OIP5: variants seen among roughly 807,000 people sequenced by gnomAD.
OIP5 encodes protein Mis18-beta.
In OIP5, 24 loss-of-function variants were observed where a neutral mutation model predicts 20.3. The ratio of observed to expected loss-of-function variants is 1.18; its 90% CI spans 0.86 to 1.66. OIP5 has a LOEUF of 1.66. OIP5 is among the 40% of genes most tolerant of loss of function. OIP5 has a pLI of 0.00. For synonymous variants in OIP5, 143 were observed against 121.3 expected, an observed-to-expected ratio of 1.18 and a Z score of -1.17; for missense variants, 339 against 289.5, an observed-to-expected ratio of 1.17 and a Z score of -1.24.
At chr15:41,319,480 C>T (rs1041597030) in intron 3 of OIP5, among the ~76,000 whole-genome samples, 178 bp downstream of exon 3, 1 of 152,114 alleles carries the variant, frequency 6.6e-6, no homozygotes, top group African/African-American at 2.4e-5. Context: ...GTCTCAAACT[C>T]CTGACCTCGA....
At position 41,324,951 on chromosome 15, in the gene OIP5, C is replaced by T. The variant is rs1314471847; in HGVS notation, c.390-5171G>A. Among the ~76,000 whole-genome samples, 3 of 152,214 alleles carry T rather than the reference C, an allele frequency of 2.0e-5. No homozygotes were observed. In the East Asian group the frequency reaches 5.8e-4, roughly 29 times the overall value. On this transcript the variant is annotated intron_variant, in intron 2 of 4. Transcript: ENST00000220514. ...TGGGTTATTAATTGGCCTGAGAAGG[C>T]AAGACTGAATGGCTAGTTGGTGGAA...
chr15:41,313,338 T>G lies in OIP5; in HGVS notation c.529A>C (p.Lys177Gln). The G allele has an allele frequency of 6.3e-7, 1 of 1,599,352 alleles. No homozygotes were observed. The highest frequency in any genetic ancestry group is 8.5e-7 in the Non-Finnish European group (1 of 1,170,834). ...ATCTCTGATGCATTTACTATGGCTT[T>G]TGTTTTTAAGAGATAGCTAGATAGG... is the stretch of plus-strand genomic sequence containing the variant. ...DKMVCYLLKT[K>Q]AIVNASEMDI... The change falls in exon 4 of 5, where the codon AAA (lysine) becomes CAA (glutamine). Residue 177 changes from lysine to glutamine, a missense_variant. Coordinates refer to ENST00000220514, the MANE Select transcript of OIP5 (RefSeq NM_007280.2).
At chr15:41,318,277 C>T (rs957119603) in intron 3 of OIP5, among the ~76,000 whole-genome samples, 1 of 152,142 alleles carries the variant, frequency 6.6e-6, no homozygotes, top group Non-Finnish European at 1.5e-5. Context: ...ATTCTTCTGC[C>T]TCACCTCCCG....
At chr15:41,314,193 C>A (rs1189492064) in intron 3 of OIP5, among the ~76,000 whole-genome samples, 1 of 152,136 alleles carries the variant, frequency 6.6e-6, no homozygotes, top group African/African-American at 2.4e-5. Flanking sequence ...CCTCTGCCTC[C>A]TGGGTTCAAG....
At position 41,319,743 on chromosome 15, in the gene OIP5, G is replaced by A; in HGVS notation, c.427C>T (p.Pro143Ser). 6.2e-7 allele frequency: 1 copy of A among 1,613,590 alleles called. No individual in the cohort carries two copies. The highest frequency in any genetic ancestry group is 8.5e-7 in the Non-Finnish European group (1 of 1,179,656). ...NLLFCGSCGI[P>S]VGFHLYSTHA... ...GTAGAATACAGATGGAAACCAACGG[G>A]AATCCCACAAGAACCACAGAATAAA... The change falls in exon 3 of 5, where the codon CCC (proline) becomes TCC (serine). Residue 143 changes from proline (P) to serine (S), a missense_variant. Transcript: ENST00000220514.
chr15:41,321,948 T>TAAAA (rs1238724759), intron 2 of OIP5, among the ~76,000 whole-genome samples: 3 of 132,300 alleles, frequency 2.3e-5, no homozygotes, highest in Admixed American at 7.4e-5. Flanking sequence ...AATAAATAAA[T>TAAAA]AAAAAAGAAA....
chr15:41,328,940 C>T lies in OIP5; in HGVS notation c.389+2975G>A, dbSNP rs145580349. ...AATTAGCCAGGCATAGTGGCGTGCG[C>T]CTGGAATCCCAGCTACTCGGGAGGC... On this transcript the variant is annotated intron_variant, in intron 2 of 4. Transcript: ENST00000220514. Among the ~76,000 whole-genome samples the T allele has an allele frequency of 6.2e-3, 936 of 151,648 alleles. 14 individuals are homozygous for T. The highest frequency in any genetic ancestry group is 0.021 in the African/African-American group (880 of 41,326).
intron 3 of OIP5, among the ~76,000 whole-genome samples, chr15:41,318,971 G>A (rs1490995860): frequency 6.6e-6 from 1 of 151,754 alleles, no homozygotes; most frequent in Admixed American, 6.6e-5. Context: ...ACAAAGCATT[G>A]GCATTACAGG....
At chr15:41,309,907 G>C in intron 4 of OIP5, 58 bp from the exon 5 acceptor site, 1 of 1,228,158 alleles carries the variant, frequency 8.1e-7, no homozygotes, top group Non-Finnish European at 1.2e-6. Context: ...CTTATTTTAA[G>C]AGACAGGGTC....
At chr15:41,332,193 C>T (rs2140471920) in intron 1 of OIP5, 47 bp downstream of exon 1, 1 of 1,516,992 alleles carries the variant, frequency 6.6e-7, no homozygotes, top group Non-Finnish European at 8.9e-7. Context: ...GCGGGAACAC[C>T]CTCTCGGGCT....
chr15:41,320,593 T>A (rs889878911), intron 2 of OIP5, among the ~76,000 whole-genome samples: 1 of 152,122 alleles, frequency 6.6e-6, no homozygotes, highest in Non-Finnish European at 1.5e-5. Context: ...TGCTCAATGG[T>A]GCCCAGGCTG....
chr15:41,331,801 G>T (rs1332597341), intron 2 of OIP5, 114 bp downstream of exon 2: 1 of 849,338 alleles, frequency 1.2e-6, no homozygotes, highest in African/African-American at 1.7e-5. Flanking sequence ...TCATATAAGA[G>T]TCAAACAGGT....
intron 3 of OIP5, among the ~76,000 whole-genome samples, chr15:41,317,412 G>C (rs917025287): frequency 6.8e-6 from 1 of 146,046 alleles, no homozygotes; most frequent in Non-Finnish European, 1.5e-5. Flanking sequence ...ACAGAGTCTC[G>C]CTCTGTTGCC....
rs769865183 is a variant in OIP5 at position 41,332,571 on chromosome 15, G to C, written c.-10C>G. Reference sequence around the variant, plus strand: ...GCGGCTGAGCCGCCATCTTCCCGCAGCCGGCGCCTTCCTTTCGAATACACG... The same window carrying C: ...GCGGCTGAGCCGCCATCTTCCCGCACCCGGCGCCTTCCTTTCGAATACACG... On this transcript the variant is annotated 5_prime_UTR_variant, in exon 1 of 5. Transcript: ENST00000220514. The C allele has an allele frequency of 1.9e-6, 3 of 1,591,752 alleles. No homozygotes were observed. In the Admixed American group the frequency reaches 5.3e-5, roughly 28 times the overall value.
rs2047935430 is a variant in OIP5 at position 41,332,257 on chromosome 15, C to T, written c.305G>A (p.Gly102Glu). The T allele has an allele frequency of 1.3e-6, 2 of 1,549,924 alleles. No individual in the cohort carries two copies. Among genetic ancestry groups the T allele is most frequent in the Non-Finnish European group, 1.7e-6 (2 of 1,149,660 alleles). Residue 102 changes from glycine (G) to glutamate (E), a missense_variant, in exon 1 of 5, where the codon GGG (glycine) becomes GAG (glutamate). Transcript: ENST00000220514. Reference sequence around the variant, plus strand: ...GCACTCACTGGAGAAGACCACGGCCCCGAGGGACCGCGACAGGTCCCAGGC... The same window carrying T: ...GCACTCACTGGAGAAGACCACGGCCTCGAGGGACCGCGACAGGTCCCAGGC... ...HLAWDLSRSL[G>E]AVVFSRVTNN...
At chr15:41,324,778 C>CCG (rs1448154858) in intron 2 of OIP5, among the ~76,000 whole-genome samples, 2 of 152,222 alleles carry the variant, frequency 1.3e-5, no homozygotes, top group African/African-American at 2.4e-5. Flanking sequence ...GCGTGAGCCA[C>CCG]CGCGCCTAAC....
intron 4 of OIP5, among the ~76,000 whole-genome samples, chr15:41,311,347 G>T (rs1210274296): frequency 6.6e-6 from 1 of 151,992 alleles, no homozygotes; most frequent in Non-Finnish European, 1.5e-5. Context: ...CGGGAGGAGG[G>T]GGTTGCAGTG....
intron 2 of OIP5, among the ~76,000 whole-genome samples, chr15:41,320,385 C>T (rs1333375706): frequency 6.6e-6 from 1 of 152,158 alleles, no homozygotes; most frequent in South Asian, 2.1e-4. Context: ...CTGCCTGATT[C>T]TCCTGCCTCA....
At chr15:41,320,974 G>A (rs1384399399) in intron 2 of OIP5, among the ~76,000 whole-genome samples, 3 of 130,536 alleles carry the variant, frequency 2.3e-5, no homozygotes, top group African/African-American at 5.8e-5. Context: ...GCCCGGCCGC[G>A]ACCCTGCCTG....
Sources: gnomAD v4.1 joint callset for allele counts (sites outside exome capture counted in the v4.1 genomes callset) on GRCh38, gnomAD v4.1.1 for gene constraint, MANE v1.5 for transcripts, NCBI Gene and HGNC (gene_info 2026-07-23, HGNC 2026-07-21) for gene names.